ELF1: variants seen among roughly 807,000 people sequenced by gnomAD.
ELF1 encodes the protein E74 like ETS transcription factor 1.
In ELF1, 24 loss-of-function variants were observed where a neutral mutation model predicts 59.9. The ratio of observed to expected loss-of-function variants is 0.40; its 90% CI spans 0.29 to 0.56. The LOEUF (loss-of-function observed/expected upper bound fraction) is 0.56, where lower values mean the gene tolerates loss of function less well. Among genes scored for constraint, ELF1 ranks in the 20% least tolerant of loss-of-function variants. The pLI is 0.44. For synonymous variants in ELF1, 248 were observed against 266.2 expected (o/e 0.93, Z 0.67); for missense variants, 627 against 742.2 (o/e 0.84, Z 1.80).
At chr13:41,005,010 T>C (rs1874659370) in intron 1 of ELF1, among the ~76,000 whole-genome samples, 1 of 152,276 alleles carries the variant, frequency 6.6e-6, no homozygotes, top group African/African-American at 2.4e-5. Context: ...TCTCTGTTCC[T>C]CTCATCGTGG....
intron 2 of ELF1, among the ~76,000 whole-genome samples, chr13:40,966,845 A>G (rs1872203553): frequency 6.6e-6 from 1 of 152,224 alleles, no homozygotes; most frequent in African/African-American, 2.4e-5. Flanking sequence ...AGCAAGTTAA[A>G]TTTAGTCTCT....
intron 2 of ELF1, among the ~76,000 whole-genome samples, 158 bp from the exon 3 acceptor site, chr13:40,959,174 T>G (rs1335623058): frequency 1.3e-5 from 2 of 152,148 alleles, no homozygotes; most frequent in Non-Finnish European, 2.9e-5. Context: ...GTAATTTGTA[T>G]CTATTACAAC....
chr13:40,940,425 T>G (rs1159069504), intron 8 of ELF1, among the ~76,000 whole-genome samples: 1 of 135,948 alleles, frequency 7.4e-6, no homozygotes, highest in Non-Finnish European at 1.5e-5. Flanking sequence ...AAAACAAACC[T>G]ACTTTTTCAA....
intron 1 of ELF1, chr13:40,993,344 G>T: frequency 7.7e-7 from 1 of 1,301,784 alleles, no homozygotes; most frequent in South Asian, 1.2e-5. Flanking sequence ...TCAGCTACAA[G>T]ACCCAATTAG....
intron 1 of ELF1, chr13:40,992,985 C>T (rs1440194287): frequency 2.6e-6 from 3 of 1,149,732 alleles, no homozygotes; most frequent in Non-Finnish European, 3.9e-6. Context: ...TAAGTCTTCA[C>T]AGGCAATCCA....
intron 1 of ELF1, among the ~76,000 whole-genome samples, chr13:41,053,997 G>A (rs1338981744): frequency 6.6e-6 from 1 of 152,030 alleles, no homozygotes; most frequent in East Asian, 1.9e-4. Flanking sequence ...GGGGATGTTT[G>A]ATATATTTCT....
At chr13:41,019,325 G>T (rs1039430467), upstream of ELF1, 2 of 985,276 alleles carry the variant, frequency 2.0e-6, no homozygotes, top group African/African-American at 1.7e-5. Flanking sequence ...TTGGGGAAGT[G>T]GTGTCTGTGC....
chr13:40,933,252 CAAAGAG>C lies in ELF1; in HGVS notation c.*167_*172del, dbSNP rs1390630437. 3.3e-5 allele frequency: 26 copies of C among 779,018 alleles called. No homozygotes were observed. Among genetic ancestry groups the C allele is most frequent in the African/African-American group, 2.3e-4 (13 of 57,010 alleles). The allele number at this position is 779,018 out of a possible 1,614,324, so 48.3% of individuals were successfully genotyped here. The stretch of plus-strand genomic sequence containing the variant: ...ATTGAATTCTGAAACATTTAGATAA[CAAAGAG>C]AAACAGTTGAGTTTTCCTCCCTCAT... On this transcript the variant is annotated 3_prime_UTR_variant, in exon 9 of 9. Transcript: ENST00000239882.
chr13:41,026,974 C>A (rs1231893165), intron 1 of ELF1, among the ~76,000 whole-genome samples: 2 of 152,200 alleles, frequency 1.3e-5, no homozygotes, highest in African/African-American at 4.8e-5. Flanking sequence ...ATGCGAGCAC[C>A]ACCCAAAAGC....
intron 1 of ELF1, among the ~76,000 whole-genome samples, chr13:41,002,561 C>G (rs539655682): frequency 1.0e-4 from 15 of 146,698 alleles, no homozygotes; most frequent in African/African-American, 2.5e-4. Context: ...GCCACTTGCA[C>G]TCCACAGAGC....
intron 4 of ELF1, 148 bp from the exon 5 acceptor site, chr13:40,950,121 C>A: frequency 1.3e-6 from 1 of 767,400 alleles, no homozygotes; most frequent in Non-Finnish European, 2.0e-6. Context: ...TTCCCCTTCC[C>A]AAAATCAAAT....
intron 1 of ELF1, among the ~76,000 whole-genome samples, chr13:41,043,033 T>C (rs1302421151): frequency 6.6e-6 from 1 of 152,234 alleles, no homozygotes; most frequent in Non-Finnish European, 1.5e-5. Flanking sequence ...GTGGTTTTGA[T>C]TTGCATTTCT....
chr13:40,998,984 G>A (rs981364089), intron 1 of ELF1, among the ~76,000 whole-genome samples: 3 of 152,100 alleles, frequency 2.0e-5, no homozygotes, highest in Non-Finnish European at 2.9e-5. Flanking sequence ...GCAAGACTCC[G>A]TCTCAAAAAC....
At chr13:40,962,326 AC>A (rs1443701906) in intron 2 of ELF1, among the ~76,000 whole-genome samples, 1 of 152,176 alleles carries the variant, frequency 6.6e-6, no homozygotes, top group African/African-American at 2.4e-5. Context: ...AGAGAAAAAA[AC>A]GTTTCCTTTG....
At chr13:40,960,933 C>T (rs1289450731) in intron 2 of ELF1, among the ~76,000 whole-genome samples, 14 of 152,096 alleles carry the variant, frequency 9.2e-5, no homozygotes, top group Admixed American at 6.5e-4. Context: ...TGCAGTGTGG[C>T]GATCTTGACT....
At chr13:41,061,376 C>G (rs1344237086) in exon 1 of ELF1, 9 of 526,164 alleles carry the variant, frequency 1.7e-5, no homozygotes, top group Middle Eastern at 5.0e-4. Context: ...CAGGTCCCGT[C>G]GCGCTTTTAC....
chr13:40,990,378 A>G (rs1432574540), intron 1 of ELF1, among the ~76,000 whole-genome samples: 10 of 152,170 alleles, frequency 6.6e-5, no homozygotes, highest in African/African-American at 2.4e-4. Context: ...TTTCGCCTCT[A>G]TTAGGTGAAT....
intron 1 of ELF1, among the ~76,000 whole-genome samples, chr13:41,028,073 A>C (rs1052113003): frequency 3.9e-5 from 6 of 152,166 alleles, no homozygotes; most frequent in African/African-American, 1.4e-4. Flanking sequence ...CAAAATTTTT[A>C]CTTCCTGTTC....
chr13:41,036,441 A>T (rs1181042688), intron 1 of ELF1, among the ~76,000 whole-genome samples: 1 of 152,204 alleles, frequency 6.6e-6, no homozygotes, highest in Non-Finnish European at 1.5e-5. Flanking sequence ...AAGTCAAATC[A>T]TTGACACAAA....
Sources: gnomAD v4.1 joint callset for allele counts (sites outside exome capture counted in the v4.1 genomes callset) on GRCh38, gnomAD v4.1.1 for gene constraint, MANE v1.5 for transcripts, NCBI Gene and HGNC (gene_info 2026-07-23, HGNC 2026-07-21) for gene names.